Variants in EDIL3 observed in about 807,000 individuals in gnomAD.
The protein encoded by EDIL3 is EGF like and discoidin domains 3, also known as EGF-like repeat and discoidin I-like domain-containing protein 3.
Under a neutral mutation model 67.4 loss-of-function variants are expected in EDIL3, and 37 were observed. The ratio of observed to expected loss-of-function variants is 0.55; its 90% CI spans 0.42 to 0.72. EDIL3 has a LOEUF of 0.72. Ranked by LOEUF, EDIL3 falls within the 30% of genes least tolerant of loss-of-function variation. The pLI, the probability that EDIL3 is intolerant of heterozygous loss-of-function variation, is 0.00. For missense variants in EDIL3, 527 were observed against 586.3 expected, an observed-to-expected ratio of 0.90 and a Z score of 1.04; for synonymous variants, 195 against 196.3, an observed-to-expected ratio of 0.99 and a Z score of 0.05.
chr5:84,160,734 TCTTTTCTTTTCTTTC>T (rs1561449276), intron 4 of EDIL3, among the ~76,000 whole-genome samples: 19 of 121,962 alleles, frequency 1.6e-4, no homozygotes, highest in African/African-American at 5.4e-4. Context: ...TTCTTTTTTT[TCTTTTCTTTTCTTTC>T]CTTTCCTTTC....
chr5:84,193,009 G>T (rs948281657), intron 3 of EDIL3, among the ~76,000 whole-genome samples: 13 of 151,854 alleles, frequency 8.6e-5, no homozygotes, highest in African/African-American at 2.9e-4. Flanking sequence ...AAGGGCCTGT[G>T]GTAAGACTAG....
At chr5:84,006,030 G>T (rs1745409020) in intron 9 of EDIL3, among the ~76,000 whole-genome samples, 1 of 151,070 alleles carries the variant, frequency 6.6e-6, no homozygotes, top group Non-Finnish European at 1.5e-5. Context: ...CACCAGTAAT[G>T]TCCAAGCTGA....
At chr5:84,260,474 A>C (rs1218356518) in intron 1 of EDIL3, among the ~76,000 whole-genome samples, 1 of 152,232 alleles carries the variant, frequency 6.6e-6, no homozygotes, top group Non-Finnish European at 1.5e-5. Flanking sequence ...TTTAAAGCCC[A>C]ACATTTGATC....
At chr5:84,023,474 C>T (rs1242975098) in intron 9 of EDIL3, among the ~76,000 whole-genome samples, 1 of 151,564 alleles carries the variant, frequency 6.6e-6, no homozygotes, top group Admixed American at 6.6e-5. Flanking sequence ...TAGTCGAAAC[C>T]CTATAATGTA....
intron 3 of EDIL3, among the ~76,000 whole-genome samples, chr5:84,200,906 A>G (rs1163135473): frequency 6.6e-6 from 1 of 152,112 alleles, no homozygotes; most frequent in Admixed American, 6.6e-5. Context: ...CTCACAGGAA[A>G]GCCTAAGAAA....
In EDIL3 at chr5:84,228,242, G is replaced by A. The variant is rs145162965; in HGVS notation, c.226+1613C>T. Among the ~76,000 whole-genome samples the A allele has an allele frequency of 3.7e-4, 57 of 152,090 alleles. 1 individual carries two copies. The highest frequency in any genetic ancestry group is 1.4e-3 in the African/African-American group (57 of 41,514). The stretch of plus-strand genomic sequence containing the variant: ...TCTCAGGAAGAGAACTAAGAGACTA[G>A]GGGTAAAAAGAGATAGCAACCTTAC... On this transcript the variant is annotated intron_variant, in intron 3 of 10. Coordinates refer to ENST00000296591, the MANE Select transcript of EDIL3 (RefSeq NM_005711.5).
chr5:84,208,519 A>T (rs1253087473), intron 3 of EDIL3, among the ~76,000 whole-genome samples: 1 of 151,290 alleles, frequency 6.6e-6, no homozygotes, highest in Admixed American at 6.6e-5. Flanking sequence ...CTCTACCAAA[A>T]ATACAAAAAA....
At chr5:83,968,149 T>C (rs975819719) in intron 9 of EDIL3, among the ~76,000 whole-genome samples, 3 of 152,116 alleles carry the variant, frequency 2.0e-5, no homozygotes, top group Admixed American at 6.6e-5. Flanking sequence ...TACTTGGTAT[T>C]TGGACAATAT....
intron 1 of EDIL3, among the ~76,000 whole-genome samples, chr5:84,353,694 C>T (rs367724542): frequency 2.0e-4 from 30 of 152,266 alleles, no homozygotes; most frequent in African/African-American, 6.0e-4. Flanking sequence ...TTTTCCACTT[C>T]AGTGATGAGT....
intron 10 of EDIL3, among the ~76,000 whole-genome samples, chr5:83,961,856 T>C (rs1466432240): frequency 6.6e-6 from 1 of 151,394 alleles, no homozygotes; most frequent in Non-Finnish European, 1.5e-5. Flanking sequence ...TCATTGATTA[T>C]AAATCATGCC....
chr5:84,383,770 G>T (rs183961839), intron 1 of EDIL3, among the ~76,000 whole-genome samples: 4 of 152,144 alleles, frequency 2.6e-5, no homozygotes, highest in African/African-American at 9.7e-5. Context: ...CCTCACCCGC[G>T]GCCAAAACGC....
chr5:83,951,991 G>A (rs1288554040), intron 10 of EDIL3, among the ~76,000 whole-genome samples: 1 of 151,756 alleles, frequency 6.6e-6, no homozygotes, highest in Non-Finnish European at 1.5e-5. Context: ...CAACATCCCA[G>A]TCAGCCCGAT....
intron 2 of EDIL3, among the ~76,000 whole-genome samples, chr5:84,233,208 G>A (rs1483279145): frequency 6.6e-6 from 1 of 152,148 alleles, no homozygotes; most frequent in African/African-American, 2.4e-5. Flanking sequence ...CAGACATATA[G>A]AATTTAAGTA....
At chr5:84,141,952 GATCTATCTATCTATCTATCT>G (rs70975543) in intron 4 of EDIL3, among the ~76,000 whole-genome samples, 1 of 108,368 alleles carries the variant, frequency 9.2e-6, no homozygotes, top group Admixed American at 1.1e-4. Flanking sequence ...TATATACATA[GATCTATCTATCTATCTATCT>G]ATCTATCTAT....
chr5:84,041,088 G>A (rs750225152), intron 9 of EDIL3, among the ~76,000 whole-genome samples: 1 of 151,728 alleles, frequency 6.6e-6, no homozygotes, highest in African/African-American at 2.4e-5. Flanking sequence ...GCAGGATTGT[G>A]CCACTACACT....
At chr5:83,977,401 A>C (rs888616805) in intron 9 of EDIL3, among the ~76,000 whole-genome samples, 3 of 151,856 alleles carry the variant, frequency 2.0e-5, no homozygotes, top group African/African-American at 7.2e-5. Context: ...ATTCTCAATC[A>C]ATTTTTTTTC....
intron 10 of EDIL3, among the ~76,000 whole-genome samples, chr5:83,961,122 CA>C (rs1393588039): frequency 2.0e-5 from 3 of 150,714 alleles, no homozygotes; most frequent in African/African-American, 4.9e-5. Flanking sequence ...AAAATAGTAC[CA>C]GGGGTACAGA....
At chr5:84,318,869 C>T (rs1362912150) in intron 1 of EDIL3, among the ~76,000 whole-genome samples, 1 of 152,136 alleles carries the variant, frequency 6.6e-6, no homozygotes, top group Non-Finnish European at 1.5e-5. Flanking sequence ...AGCGAACAGA[C>T]AACCTACAGA....
At chr5:84,193,154 C>G (rs1375846678) in intron 3 of EDIL3, among the ~76,000 whole-genome samples, 2 of 151,816 alleles carry the variant, frequency 1.3e-5, no homozygotes, top group African/African-American at 4.8e-5. Context: ...GACTAAATTT[C>G]AATTTTAAAG....
Sources: allele counts gnomAD v4.1 joint callset (sites outside exome capture counted in the v4.1 genomes callset), GRCh38; gene constraint gnomAD v4.1.1; transcripts MANE v1.5; gene names NCBI Gene and HGNC (gene_info 2026-07-23, HGNC 2026-07-21).